The following STPG2 variants were observed in gnomAD, a reference collection of about 807,000 sequenced individuals.
STPG2 encodes the protein sperm tail PG-rich repeat containing 2.
Under a neutral mutation model 54.2 loss-of-function variants are expected in STPG2, and 56 were observed. The observed-to-expected ratio is 1.03, with a 90% CI of 0.83 to 1.29. STPG2 has a LOEUF of 1.29. Among genes scored for constraint, STPG2 ranks in the 50% most tolerant of loss-of-function variants. The pLI, the probability that STPG2 is intolerant of heterozygous loss-of-function variation, is 0.00. For synonymous variants in STPG2, 200 were observed against 181.8 expected, an observed-to-expected ratio of 1.10 and a Z score of -0.81; for missense variants, 596 against 544.9, an observed-to-expected ratio of 1.09 and a Z score of -0.93.
chr4:97,445,153 C>A (rs1466522527), intron 4 of STPG2, among the ~76,000 whole-genome samples: 1 of 151,956 alleles, frequency 6.6e-6, no homozygotes, highest in Admixed American at 6.6e-5. Context: ...TAAATAAAAT[C>A]ATTTAAAAAT....
At chr4:97,444,349 G>A (rs1359005781) in intron 4 of STPG2, among the ~76,000 whole-genome samples, 1 of 152,048 alleles carries the variant, frequency 6.6e-6, no homozygotes, top group Admixed American at 6.6e-5. Context: ...AAATCTAAGA[G>A]GATTAGAGTA....
At chr4:97,496,350 A>G (rs1730611274) in intron 4 of STPG2, among the ~76,000 whole-genome samples, 1 of 151,722 alleles carries the variant, frequency 6.6e-6, no homozygotes, top group South Asian at 2.1e-4. Flanking sequence ...GACAAAATAG[A>G]GCTGCCTCAG....
At chr4:97,753,106 T>C (rs1486579085) in intron 9 of STPG2, among the ~76,000 whole-genome samples, 1 of 151,978 alleles carries the variant, frequency 6.6e-6, no homozygotes, top group African/African-American at 2.4e-5. Flanking sequence ...ATTTTAACCA[T>C]TTGTAAATGC....
At chr4:97,827,326 C>A (rs942569335) in intron 9 of STPG2, among the ~76,000 whole-genome samples, 1 of 149,398 alleles carries the variant, frequency 6.7e-6, no homozygotes, top group Non-Finnish European at 1.5e-5. Context: ...AGCTCCTCAT[C>A]CCGGGTTCAC....
At chr4:97,903,310 T>C (rs912847546) in intron 8 of STPG2, among the ~76,000 whole-genome samples, 6 of 152,192 alleles carry the variant, frequency 3.9e-5, no homozygotes, top group African/African-American at 1.4e-4. Context: ...TGCATATATG[T>C]GTGTATCTCA....
chr4:97,866,021 AT>A (rs967246593), intron 8 of STPG2, among the ~76,000 whole-genome samples: 9 of 151,952 alleles, frequency 5.9e-5, no homozygotes, highest in Non-Finnish European at 4.4e-5. Flanking sequence ...GTTCTCCCTT[AT>A]TTGTGGGAGC....
chr4:97,915,164 G>T (rs961996711), intron 8 of STPG2, among the ~76,000 whole-genome samples: 1 of 152,026 alleles, frequency 6.6e-6, no homozygotes, highest in Non-Finnish European at 1.5e-5. Flanking sequence ...TAGTTACTAA[G>T]GGTAACTCAC....
intron 5 of STPG2, among the ~76,000 whole-genome samples, chr4:98,071,665 T>C (rs535675733): frequency 3.0e-4 from 45 of 152,118 alleles, no homozygotes; most frequent in Non-Finnish European, 6.6e-4. Flanking sequence ...AATATATCGA[T>C]CTGACAAAGG....
chr4:97,592,218 T>G (rs1282479988), intron 10 of STPG2, among the ~76,000 whole-genome samples: 1 of 152,106 alleles, frequency 6.6e-6, no homozygotes, highest in Non-Finnish European at 1.5e-5. Flanking sequence ...CTAATACTCA[T>G]TTTTTATTTA....
intron 8 of STPG2, among the ~76,000 whole-genome samples, chr4:97,918,474 C>T (rs1731970126): frequency 6.6e-6 from 1 of 152,020 alleles, no homozygotes; most frequent in African/African-American, 2.4e-5. Context: ...AACACACACA[C>T]ATTGGTCACA....
intron 8 of STPG2, among the ~76,000 whole-genome samples, chr4:97,921,569 T>C (rs1732108767): frequency 6.6e-6 from 1 of 151,302 alleles, no homozygotes; most frequent in South Asian, 2.1e-4. Flanking sequence ...TTAGTGAGCA[T>C]GAAGATAGGT....
At chr4:97,589,558 A>C (rs1312152744) in intron 10 of STPG2, among the ~76,000 whole-genome samples, 1 of 152,164 alleles carries the variant, frequency 6.6e-6, no homozygotes, top group Non-Finnish European at 1.5e-5. Context: ...AGGAGTTGGC[A>C]AGCTTTTCCT....
At chr4:97,658,062 T>A (rs1465840388) in intron 10 of STPG2, among the ~76,000 whole-genome samples, 1 of 152,216 alleles carries the variant, frequency 6.6e-6, no homozygotes, top group Non-Finnish European at 1.5e-5. Context: ...GAGAATTCTA[T>A]GATGATGGAT....
chr4:97,999,134 G>A (rs1735334336), intron 5 of STPG2, among the ~76,000 whole-genome samples: 1 of 152,052 alleles, frequency 6.6e-6, no homozygotes. Context: ...CTACATTTTG[G>A]AGTGACTGGC....
At chr4:97,556,518 G>A (rs1508472), downstream of STPG2, among the ~76,000 whole-genome samples, 4 of 152,192 alleles carry the variant, frequency 2.6e-5, no homozygotes, top group East Asian at 7.7e-4. Flanking sequence ...GCACTAAAAG[G>A]AGAAAATTGC....
intron 10 of STPG2, among the ~76,000 whole-genome samples, chr4:97,635,417 A>T (rs1262801903): frequency 1.3e-5 from 2 of 152,236 alleles, no homozygotes; most frequent in Non-Finnish European, 2.9e-5. Context: ...TGAGACTAGG[A>T]AGAAACTGCA....
chr4:97,460,905 A>G (rs1295083604), intron 4 of STPG2, among the ~76,000 whole-genome samples: 2 of 152,180 alleles, frequency 1.3e-5, no homozygotes, highest in East Asian at 3.9e-4. Context: ...CATTCATTCA[A>G]CATTATGCTT....
chr4:97,577,634 C>T (rs1732754935), intron 10 of STPG2, among the ~76,000 whole-genome samples: 1 of 152,104 alleles, frequency 6.6e-6, no homozygotes, highest in Admixed American at 6.6e-5. Context: ...GGGTATTATG[C>T]TCAGTACATG....
intron 10 of STPG2, among the ~76,000 whole-genome samples, chr4:97,589,459 T>A (rs996113505): frequency 2.6e-5 from 4 of 152,152 alleles, no homozygotes; most frequent in African/African-American, 9.6e-5. Context: ...TAACAATTGT[T>A]AAATTCATTG....
Sources: allele counts gnomAD v4.1 joint callset (sites outside exome capture counted in the v4.1 genomes callset), GRCh38; gene constraint gnomAD v4.1.1; transcripts MANE v1.5; gene names NCBI Gene and HGNC (gene_info 2026-07-23, HGNC 2026-07-21).